Variants in IMMP2L observed in about 807,000 individuals in gnomAD.
IMMP2L encodes the protein inner mitochondrial membrane peptidase subunit 2, also known as mitochondrial inner membrane protease subunit 2.
IMMP2L carries 18 observed loss-of-function variants against 19.3 expected under a neutral mutation model. The ratio of observed to expected loss-of-function variants is 0.93; its 90% CI spans 0.64 to 1.38. The LOEUF (loss-of-function observed/expected upper bound fraction) is 1.38. Among genes scored for constraint, IMMP2L ranks in the 40% most tolerant of loss-of-function variants. The probability of loss-of-function intolerance (pLI) is 0.00; values close to 1 mark genes in which losing one functional copy is unlikely to be tolerated. For synonymous variants in IMMP2L, 76 were observed against 73.0 expected, an observed-to-expected ratio of 1.04 and a Z score of -0.21; for missense variants, 233 against 218.2, an observed-to-expected ratio of 1.07 and a Z score of -0.43.
intron 3 of IMMP2L, among the ~76,000 whole-genome samples, chr7:111,120,389 T>G (rs772528114): frequency 3.3e-5 from 5 of 151,984 alleles, no homozygotes; most frequent in Non-Finnish European, 7.4e-5. Context: ...AAAAGACATT[T>G]CCCCTATAAA....
At chr7:111,420,169 T>G (rs1835351684) in intron 3 of IMMP2L, among the ~76,000 whole-genome samples, 2 of 151,862 alleles carry the variant, frequency 1.3e-5, no homozygotes, top group Admixed American at 1.3e-4. Flanking sequence ...TTTTCTGAGA[T>G]TCAGCCTGAA....
chr7:110,908,403 G>A (rs983031960), intron 4 of IMMP2L, among the ~76,000 whole-genome samples: 1 of 152,088 alleles, frequency 6.6e-6, no homozygotes, highest in South Asian at 2.1e-4. Flanking sequence ...TCACTCTACT[G>A]AGAAAACTCT....
At chr7:111,140,880 T>C (rs1802809996) in intron 3 of IMMP2L, among the ~76,000 whole-genome samples, 1 of 152,124 alleles carries the variant, frequency 6.6e-6, no homozygotes, top group African/African-American at 2.4e-5. Context: ...ACAAAGCAAA[T>C]AAGAAATTAA....
In IMMP2L at chr7:111,123,447, A is replaced by T. The variant is rs35229264; in HGVS notation, c.240-159882T>A. ...TGGTTATAGCTGGTATAAACCTCAC[A>T]GAAATACCAGATAACGCCTTGGTTG... On this transcript the variant is annotated intron_variant, in intron 3 of 5. Coordinates refer to ENST00000405709, the MANE Select transcript of IMMP2L (RefSeq NM_032549.4). This position sits in a 1 kb window ranked among gnomAD's most constrained non-coding sequence, Gnocchi z 6.4. 16 of 1,613,414 alleles carry T rather than the reference A, an allele frequency of 9.9e-6. No individual in the cohort carries two copies. In the East Asian group the frequency reaches 3.3e-4, roughly 34 times the overall value.
rs537413338 is a variant in IMMP2L at position 110,881,275 on chromosome 7, T to C, written c.408+5318A>G. Among the ~76,000 whole-genome samples, 9 of 152,300 alleles carry C rather than the reference T, an allele frequency of 5.9e-5. No individual in the cohort carries two copies. The South Asian group carries it at 1.7e-3, about 28-fold the overall frequency. On this transcript the variant is annotated intron_variant, in intron 5 of 5. Transcript: ENST00000405709. ...TCTCCTTTAAGTGGCTTTGATCTTT[T>C]TATGAGATGTATGCCTTTGTCTATA...
At chr7:110,787,507 G>A (rs576618721) in intron 5 of IMMP2L, among the ~76,000 whole-genome samples, 1 of 151,974 alleles carries the variant, frequency 6.6e-6, no homozygotes, top group African/African-American at 2.4e-5. Context: ...GACAATCTTG[G>A]TACTAGAAAA....
intron 5 of IMMP2L, among the ~76,000 whole-genome samples, chr7:110,802,001 G>A (rs557131298): frequency 2.0e-4 from 31 of 152,086 alleles, no homozygotes; most frequent in African/African-American, 7.5e-4. Flanking sequence ...CCAAACCTTA[G>A]GTATGTCTCC....
At chr7:111,154,160 A>G (rs1299748160) in intron 3 of IMMP2L, among the ~76,000 whole-genome samples, 1 of 152,106 alleles carries the variant, frequency 6.6e-6, no homozygotes, top group Non-Finnish European at 1.5e-5. Flanking sequence ...TATATGCTCT[A>G]TTATACCACA....
intron 3 of IMMP2L, among the ~76,000 whole-genome samples, chr7:111,415,289 A>T (rs1834857533): frequency 6.6e-6 from 1 of 151,760 alleles, no homozygotes; most frequent in South Asian, 2.1e-4. Flanking sequence ...CAAAAACTGG[A>T]TTATGCCAAC....
intron 3 of IMMP2L, among the ~76,000 whole-genome samples, chr7:111,324,444 CTAAT>C (rs1825092864): frequency 1.3e-5 from 2 of 151,848 alleles, no homozygotes; most frequent in Admixed American, 6.6e-5. Context: ...GGAAGTAAAA[CTAAT>C]TAGTCAACTA....
chr7:111,493,734 A>G (rs1349573242), intron 2 of IMMP2L, among the ~76,000 whole-genome samples: 8 of 125,790 alleles, frequency 6.4e-5, no homozygotes, highest in South Asian at 2.7e-4. Flanking sequence ...GTGGCCGGTC[A>G]CGGTGGTTCA....
chr7:110,916,432 A>G (rs1688617077), intron 4 of IMMP2L, among the ~76,000 whole-genome samples: 1 of 152,236 alleles, frequency 6.6e-6, no homozygotes, highest in Non-Finnish European at 1.5e-5. Context: ...ACTACAGAAT[A>G]GATAAGCCAT....
At chr7:111,174,129 G>A (rs535330500) in intron 3 of IMMP2L, among the ~76,000 whole-genome samples, 2 of 151,388 alleles carry the variant, frequency 1.3e-5, no homozygotes, top group Non-Finnish European at 3.0e-5. Flanking sequence ...TAAAACCGTG[G>A]GACCCTGGTC....
At chr7:111,364,745 C>A (rs768650968) in intron 3 of IMMP2L, among the ~76,000 whole-genome samples, 2 of 151,654 alleles carry the variant, frequency 1.3e-5, no homozygotes, top group Non-Finnish European at 2.9e-5. Flanking sequence ...CCAAGGCAGG[C>A]GAATCACTTG....
Position 111,521,330 on chromosome 7 carries a change from C to T in IMMP2L, c.118G>A (p.Glu40Lys), listed in dbSNP as rs1846305238. ...LDRVACVARVEGASMQPSLNP... is the reference protein window; with the variant it reads ...LDRVACVARVKGASMQPSLNP... ...ATTTTCACCTGCATCGATGCTCCTT[C>T]TACTCTTGCCACACAGGCGACCCGA... The change falls in exon 2 of 6, where the codon GAA becomes AAA. Residue 40 changes from glutamate (E) to lysine (K), a missense_variant. Physicochemically the swap from Glu to Lys is moderately conservative, Grantham distance 56. Coordinates refer to ENST00000405709, the MANE Select transcript of IMMP2L (RefSeq NM_032549.4). The T allele has an allele frequency of 2.5e-6, 4 of 1,612,938 alleles. No homozygotes were observed. The East Asian group carries it at 8.9e-5, about 36-fold the overall frequency.
In IMMP2L at chr7:111,301,019, G is replaced by GT. The variant is rs199762418; in HGVS notation, c.239+186218dup. 2.6e-3 allele frequency among the ~76,000 whole-genome samples: 395 copies of GT among 151,924 alleles called. 2 individuals carry two copies. Among genetic ancestry groups the GT allele is most frequent in the African/African-American group, 9.0e-3 (375 of 41,466 alleles). On this transcript the variant is annotated intron_variant, in intron 3 of 5. Transcript: ENST00000405709. ...TAGGTTCATAGGAAACTGCCACACT[G>GT]TTTTTTTTCCAGAGTGGCTGTACAA...
intron 1 of IMMP2L, among the ~76,000 whole-genome samples, chr7:111,556,039 T>TATATATATATATATATATATATAC (rs1192398339): frequency 1.4e-5 from 2 of 139,634 alleles, no homozygotes; most frequent in Non-Finnish European, 3.1e-5. Flanking sequence ...TATATATACA[T>TATATATATATATATATATATATAC]ACCCAAAGAA....
rs776246183 is a variant in IMMP2L at position 110,663,604 on chromosome 7, A to G, written c.526T>C (p.Ter176ArgextTer6). 5.6e-6 allele frequency: 9 copies of G among 1,613,480 alleles called. No homozygotes were observed. In the Admixed American group the frequency reaches 1.3e-4, roughly 24 times the overall value. Residue 176 changes from the stop codon to arginine, a stop_lost, in exon 6 of 6, where the codon TGA becomes CGA. Coordinates refer to ENST00000405709, the MANE Select transcript of IMMP2L (RefSeq NM_032549.4). ...ERLPVQREEE[*>R] ...GCAACTCAGGTAGATTCATGCAGTC[A>G]TTCCTCTTCTCTCTGTACTGGTAAG... is the stretch of plus-strand genomic sequence containing the variant.
intron 5 of IMMP2L, among the ~76,000 whole-genome samples, chr7:110,781,661 A>C (rs1347934189): frequency 1.3e-5 from 2 of 151,806 alleles, no homozygotes; most frequent in Non-Finnish European, 2.9e-5. Flanking sequence ...GCAAGATATA[A>C]ATGGATTTTA....
Sources: allele counts gnomAD v4.1 joint callset (sites outside exome capture counted in the v4.1 genomes callset), GRCh38; gene constraint gnomAD v4.1.1; non-coding constraint Gnocchi (gnomAD v3.1); transcripts MANE v1.5; gene names NCBI Gene and HGNC (gene_info 2026-07-23, HGNC 2026-07-21).